The following TBC1D5 variants were observed in gnomAD, a reference collection of about 807,000 sequenced individuals.
TBC1D5 encodes the protein TBC1 domain family member 5.
A neutral mutation model predicts 100.3 loss-of-function variants in TBC1D5; 75 were observed. The observed-to-expected ratio is 0.75, with a 90% confidence interval of 0.62 to 0.91. The LOEUF is 0.91. TBC1D5 is among the 40% of genes least tolerant of loss of function. The pLI is 0.00. For synonymous variants in TBC1D5, 323 were observed against 325.6 expected (o/e 0.99, Z 0.09); for missense variants, 910 against 942.4 (o/e 0.97, Z 0.45).
rs76303888 is a variant in TBC1D5 at position 17,322,254 on chromosome 3, G to A, written c.996-14120C>T. The stretch of plus-strand genomic sequence containing the variant: ...ACCTTCATTTCTGTTTGCTTTTCCT[G>A]CTATGCCTCTGCAAATTGTTTTGTT... On this transcript the variant is annotated intron_variant, in intron 13 of 21. Transcript: ENST00000253692. Among the ~76,000 whole-genome samples the A allele has an allele frequency of 3.8e-3, 578 of 152,204 alleles. 12 individuals are homozygous for A. In the East Asian group the frequency reaches 0.04, roughly 11 times the overall value.
At chr3:17,503,623 AC>A (rs1291849414) in intron 3 of TBC1D5, among the ~76,000 whole-genome samples, 1 of 149,820 alleles carries the variant, frequency 6.7e-6, no homozygotes, top group African/African-American at 2.5e-5. Context: ...CATACAAAAA[AC>A]AAACAATATT....
intron 9 of TBC1D5, among the ~76,000 whole-genome samples, chr3:17,377,337 C>T (rs565314329): frequency 1.3e-5 from 2 of 152,032 alleles, no homozygotes; most frequent in East Asian, 3.9e-4. Flanking sequence ...CTAAGCTGTC[C>T]TTAAAAGGGT....
chr3:17,329,172 C>CAACT (rs1379495358), intron 13 of TBC1D5, among the ~76,000 whole-genome samples: 1 of 152,160 alleles, frequency 6.6e-6, no homozygotes, highest in African/African-American at 2.4e-5. Flanking sequence ...TTATGGGAGA[C>CAACT]AACTCACTTA....
intron 2 of TBC1D5, among the ~76,000 whole-genome samples, chr3:17,530,789 C>A (rs1477016551): frequency 1.3e-5 from 2 of 152,282 alleles, no homozygotes; most frequent in Admixed American, 6.5e-5. Context: ...AACAACCCTT[C>A]ATGCTAAAAA....
At chr3:17,568,486 T>G (rs753631484) in intron 2 of TBC1D5, among the ~76,000 whole-genome samples, 19 of 151,570 alleles carry the variant, frequency 1.3e-4, no homozygotes, top group Non-Finnish European at 2.1e-4. Context: ...TTTTATAATT[T>G]CACAGTAAAA....
chr3:17,466,948 A>G (rs1018396097), intron 3 of TBC1D5, among the ~76,000 whole-genome samples: 2 of 152,104 alleles, frequency 1.3e-5, no homozygotes, highest in African/African-American at 4.8e-5. Context: ...GAAATTTGAA[A>G]GCCCCAATAA....
intron 18 of TBC1D5, among the ~76,000 whole-genome samples, chr3:17,193,230 A>T (rs1345632677): frequency 6.6e-6 from 1 of 151,956 alleles, no homozygotes; most frequent in Non-Finnish European, 1.5e-5. Context: ...GATCATTCAA[A>T]CCCCTTCTCT....
At chr3:17,322,911 A>T (rs1156996782) in intron 13 of TBC1D5, among the ~76,000 whole-genome samples, 1 of 152,204 alleles carries the variant, frequency 6.6e-6, no homozygotes, top group Non-Finnish European at 1.5e-5. Context: ...TTCAGTAGAA[A>T]CCCGACAGGT....
intron 1 of TBC1D5, among the ~76,000 whole-genome samples, chr3:17,677,881 C>G (rs1560444525): frequency 6.6e-6 from 1 of 152,118 alleles, no homozygotes; most frequent in Non-Finnish European, 1.5e-5. Flanking sequence ...TCATTCTCAG[C>G]AAACTATCAC....
intron 2 of TBC1D5, among the ~76,000 whole-genome samples, chr3:17,611,784 A>C (rs1328609963): frequency 1.3e-5 from 2 of 152,172 alleles, no homozygotes; most frequent in Non-Finnish European, 2.9e-5. Context: ...TGTAAAAAGA[A>C]AGTGAAATGA....
chr3:17,698,300 C>T (rs2072492628), intron 1 of TBC1D5, among the ~76,000 whole-genome samples: 1 of 152,126 alleles, frequency 6.6e-6, no homozygotes, highest in Non-Finnish European at 1.5e-5. Flanking sequence ...GGAAAGGATT[C>T]CCTATTTAAT....
chr3:17,308,166 C>CAGT, intron 13 of TBC1D5, 32 bp from the exon 14 acceptor site: 1 of 1,554,094 alleles, frequency 6.4e-7, no homozygotes, highest in Non-Finnish European at 8.6e-7. Flanking sequence ...ATTCAGAAGA[C>CAGT]AGTACTTTTG....
chr3:17,178,720 A>G (rs2068095466), intron 19 of TBC1D5, among the ~76,000 whole-genome samples: 1 of 152,160 alleles, frequency 6.6e-6, no homozygotes, highest in South Asian at 2.1e-4. Context: ...TGGCATGAGC[A>G]TCCGCCACCT....
intron 13 of TBC1D5, among the ~76,000 whole-genome samples, chr3:17,356,124 CATT>C (rs2091191955): frequency 6.6e-6 from 1 of 152,014 alleles, no homozygotes; most frequent in Non-Finnish European, 1.5e-5. Context: ...TAAAGCTAGT[CATT>C]GTGTTATTTT....
intron 2 of TBC1D5, among the ~76,000 whole-genome samples, chr3:17,594,429 G>T (rs1036359880): frequency 2.0e-5 from 3 of 152,210 alleles, no homozygotes; most frequent in East Asian, 1.9e-4. Context: ...ACCTGTTGAG[G>T]TGCTTGCTGA....
rs186550031 is a variant in TBC1D5 at position 17,177,439 on chromosome 3, T to C, written c.1852+7670A>G. Among the ~76,000 whole-genome samples, 127 of 152,344 alleles carry C rather than the reference T, an allele frequency of 8.3e-4. 1 individual carries two copies. Among genetic ancestry groups the C allele is most frequent in the African/African-American group, 2.9e-3 (122 of 41,586 alleles). On this transcript the variant is annotated intron_variant, in intron 19 of 21. Transcript: ENST00000253692. ...AAAAGAACTTCTGAATTTCAGAGGATTGCAGGCTACATCAGGATGCTAGGG... is the reference window on the plus strand; with the variant it reads ...AAAAGAACTTCTGAATTTCAGAGGACTGCAGGCTACATCAGGATGCTAGGG...
intron 1 of TBC1D5, among the ~76,000 whole-genome samples, chr3:17,652,002 T>A (rs2153721609): frequency 6.6e-6 from 1 of 152,264 alleles, no homozygotes. Context: ...TGAAAGGGTG[T>A]CAGCATAGAA....
chr3:17,419,379 T>C (rs2094155739), intron 4 of TBC1D5, among the ~76,000 whole-genome samples: 2 of 152,316 alleles, frequency 1.3e-5, no homozygotes, highest in Admixed American at 1.3e-4. Context: ...TCAACCTCTT[T>C]GGATATGCCT....
chr3:17,505,692 T>C (rs947784829), intron 3 of TBC1D5, among the ~76,000 whole-genome samples: 1 of 152,186 alleles, frequency 6.6e-6, no homozygotes, highest in African/African-American at 2.4e-5. Context: ...TTCTTCATTT[T>C]ATTGGTCATT....
Sources: gnomAD v4.1 joint callset for allele counts (sites outside exome capture counted in the v4.1 genomes callset) on GRCh38, gnomAD v4.1.1 for gene constraint, MANE v1.5 for transcripts, NCBI Gene and HGNC (gene_info 2026-07-23, HGNC 2026-07-21) for gene names.